The following USH2A variants were observed in gnomAD, a reference collection of about 807,000 sequenced individuals.
USH2A encodes the protein Usher syndrome 2A (autosomal recessive, mild).
A neutral mutation model predicts 538.9 loss-of-function variants in USH2A; 443 were observed. The ratio of observed to expected loss-of-function variants is 0.82; its 90% CI spans 0.76 to 0.89. USH2A has a LOEUF of 0.89. Ranked by LOEUF, USH2A falls within the 40% of genes least tolerant of loss-of-function variation. The probability of loss-of-function intolerance (pLI) is 0.00; values close to 1 mark genes in which losing one functional copy is unlikely to be tolerated. For synonymous variants in USH2A, 2,413 were observed against 2,273.5 expected (o/e 1.06, Z -1.75); for missense variants, 6,633 against 6,324.8 (o/e 1.05, Z -1.65).
intron 9 of USH2A, among the ~76,000 whole-genome samples, chr1:216,306,063 C>T (rs1168714105): frequency 6.6e-6 from 1 of 152,124 alleles, no homozygotes; most frequent in African/African-American, 2.4e-5. Flanking sequence ...AGATCTCTAG[C>T]AAGGTTGGGG....
rs543364596 is a variant in USH2A at position 215,845,807 on chromosome 1, T to C, written c.9055+17A>G. Reference sequence around the variant, plus strand: ...TTCGCATCTCTGAGGCAAATATCCTTTAGAATCTGGACTCACCCCCATCGC... The same window carrying C: ...TTCGCATCTCTGAGGCAAATATCCTCTAGAATCTGGACTCACCCCCATCGC... On this transcript the variant is annotated intron_variant, in intron 45 of 71. Coordinates refer to ENST00000307340, the MANE Select transcript of USH2A (RefSeq NM_206933.4). The C allele has an allele frequency of 1.7e-5, 27 of 1,611,784 alleles. No individual in the cohort carries two copies. In the South Asian group the frequency reaches 2.9e-4, roughly 17 times the overall value.
chr1:216,054,256 A>G (rs2102531897), intron 30 of USH2A, among the ~76,000 whole-genome samples: 1 of 152,310 alleles, frequency 6.6e-6, no homozygotes, highest in South Asian at 2.1e-4. Flanking sequence ...GAACAAGCAA[A>G]GTGACAGACA....
At position 215,900,908 on chromosome 1, in the gene USH2A, G is replaced by A; in HGVS notation, c.7301-3C>T. 1.2e-6 allele frequency: 2 copies of A among 1,613,290 alleles called. No individual in the cohort carries two copies. Among genetic ancestry groups the A allele is most frequent in the Middle Eastern group, 1.7e-4 (1 of 5,960 alleles). On this transcript the variant is annotated splice_region_variant and splice_polypyrimidine_tract_variant and intron_variant, in intron 38 of 71. Coordinates refer to ENST00000307340, the MANE Select transcript of USH2A (RefSeq NM_206933.4). ...GGGAGGCAGCACGCCATCTGGAGCT[G>A]TCGAAAAACACAGATGAATTAGAGC...
At chr1:216,197,847 C>T (rs1314810367) in intron 18 of USH2A, among the ~76,000 whole-genome samples, 1 of 151,866 alleles carries the variant, frequency 6.6e-6, no homozygotes, top group Non-Finnish European at 1.5e-5. Flanking sequence ...ATTTTGATGT[C>T]CACGATTCTG....
intron 4 of USH2A, among the ~76,000 whole-genome samples, chr1:216,357,350 C>A (rs2038409293): frequency 6.6e-6 from 1 of 151,882 alleles, no homozygotes; most frequent in Non-Finnish European, 1.5e-5. Context: ...TTTTTTAAAT[C>A]TAATTCCCAA....
chr1:216,183,317 G>A (rs191324798), intron 20 of USH2A, among the ~76,000 whole-genome samples: 3 of 151,478 alleles, frequency 2.0e-5, no homozygotes, highest in African/African-American at 7.3e-5. Context: ...CAGCGATCTG[G>A]TATTACAAGG....
intron 54 of USH2A, among the ~76,000 whole-genome samples, chr1:215,780,858 G>A (rs1661615377): frequency 6.6e-6 from 1 of 152,190 alleles, no homozygotes; most frequent in South Asian, 2.1e-4. Context: ...CTTGCACTGT[G>A]GCTGAGCAGT....
chr1:215,878,381 T>C (rs1397041674), intron 42 of USH2A, among the ~76,000 whole-genome samples: 1 of 152,180 alleles, frequency 6.6e-6, no homozygotes, highest in Non-Finnish European at 1.5e-5. Context: ...TTCCATAAGC[T>C]AACAACATGC....
At chr1:215,678,058 A>G (rs917658593) in intron 62 of USH2A, among the ~76,000 whole-genome samples, 1 of 152,162 alleles carries the variant, frequency 6.6e-6, no homozygotes, top group Non-Finnish European at 1.5e-5. Flanking sequence ...TATCTTCTGA[A>G]TGTATCTTCG....
chr1:215,710,544 A>G (rs1479442647), intron 61 of USH2A, among the ~76,000 whole-genome samples: 1 of 152,114 alleles, frequency 6.6e-6, no homozygotes, highest in East Asian at 1.9e-4. Flanking sequence ...AAGTAAACAT[A>G]CCCAGTAGAG....
intron 32 of USH2A, among the ~76,000 whole-genome samples, chr1:216,013,277 C>G (rs1668621939): frequency 6.8e-6 from 1 of 148,012 alleles, no homozygotes; most frequent in African/African-American, 2.5e-5. Flanking sequence ...CCCCTTACCA[C>G]AAGACCTCCC....
chr1:215,746,772 T>A (rs1660482761), intron 58 of USH2A, among the ~76,000 whole-genome samples: 1 of 152,212 alleles, frequency 6.6e-6, no homozygotes, highest in African/African-American at 2.4e-5. Context: ...TAAAATTGGT[T>A]TCCTTATATA....
intron 32 of USH2A, among the ~76,000 whole-genome samples, chr1:216,008,307 C>T (rs1301416310): frequency 2.0e-5 from 3 of 151,996 alleles, no homozygotes; most frequent in Non-Finnish European, 4.4e-5. Context: ...AATTCCTTCT[C>T]CTGGCTCATC....
At chr1:216,382,501 T>C (rs1221483021) in intron 3 of USH2A, among the ~76,000 whole-genome samples, 2 of 152,178 alleles carry the variant, frequency 1.3e-5, no homozygotes, top group Non-Finnish European at 2.9e-5. Flanking sequence ...AGCTAAGTCA[T>C]TAAGGGTCTC....
intron 55 of USH2A, among the ~76,000 whole-genome samples, chr1:215,772,223 T>C (rs973642314): frequency 1.3e-5 from 2 of 152,108 alleles, no homozygotes; most frequent in African/African-American, 4.8e-5. Context: ...TTGATCAGGA[T>C]GAGAAGAGGG....
At chr1:216,212,891 A>G (rs1021088732) in intron 15 of USH2A, among the ~76,000 whole-genome samples, 2 of 152,142 alleles carry the variant, frequency 1.3e-5, no homozygotes, top group African/African-American at 4.8e-5. Flanking sequence ...GATAATATAT[A>G]CTAATGGGAA....
At chr1:215,657,119 T>G (rs963210381) in intron 64 of USH2A, among the ~76,000 whole-genome samples, 1 of 152,252 alleles carries the variant, frequency 6.6e-6, no homozygotes, top group Non-Finnish European at 1.5e-5. Context: ...TCACTGCTGC[T>G]GATTTATGAC....
intron 15 of USH2A, among the ~76,000 whole-genome samples, chr1:216,208,603 G>T (rs925589089): frequency 6.6e-6 from 1 of 152,146 alleles, no homozygotes; most frequent in African/African-American, 2.4e-5. Flanking sequence ...GAACTGCAGA[G>T]CTCTTTTGCT....
At chr1:216,351,943 A>C (rs900829445) in intron 4 of USH2A, among the ~76,000 whole-genome samples, 1 of 152,174 alleles carries the variant, frequency 6.6e-6, no homozygotes, top group African/African-American at 2.4e-5. Context: ...ACTTGTGATG[A>C]GGAAGACCAT....
Sources: gnomAD v4.1 joint callset for allele counts (sites outside exome capture counted in the v4.1 genomes callset) on GRCh38, gnomAD v4.1.1 for gene constraint, MANE v1.5 for transcripts, NCBI Gene and HGNC (gene_info 2026-07-23, HGNC 2026-07-21) for gene names.